FTO: variants seen among roughly 807,000 people sequenced by gnomAD.
The protein encoded by FTO is alpha-ketoglutarate-dependent dioxygenase FTO.
A neutral mutation model predicts 63.9 loss-of-function variants in FTO; 47 were observed. The ratio of observed to expected loss-of-function variants is 0.74; its 90% CI spans 0.58 to 0.94. The LOEUF (loss-of-function observed/expected upper bound fraction) is 0.94. FTO is among the 40% of genes least tolerant of loss of function. FTO has a pLI of 0.00. For synonymous variants in FTO, 207 were observed against 224.4 expected, an observed-to-expected ratio of 0.92 and a Z score of 0.69; for missense variants, 562 against 618.1, an observed-to-expected ratio of 0.91 and a Z score of 0.96.
At chr16:54,083,026 A>G (rs1404442508) in intron 8 of FTO, among the ~76,000 whole-genome samples, 2 of 152,206 alleles carry the variant, frequency 1.3e-5, no homozygotes, top group Non-Finnish European at 2.9e-5. Context: ...TGTACCATAG[A>G]TTAGATTTTT....
intron 8 of FTO, among the ~76,000 whole-genome samples, chr16:54,013,829 G>T (rs1766746540): frequency 6.6e-6 from 1 of 152,106 alleles, no homozygotes; most frequent in African/African-American, 2.4e-5. Flanking sequence ...ATTTTTATAT[G>T]CACTGGGAAG....
intron 8 of FTO, among the ~76,000 whole-genome samples, chr16:53,952,923 T>G (rs2082832445): frequency 6.6e-6 from 1 of 152,238 alleles, no homozygotes; most frequent in Admixed American, 6.5e-5. Flanking sequence ...CCTACTTTTT[T>G]TGAGCGGTAT....
At chr16:53,839,260 A>G (rs780063630) in intron 3 of FTO, among the ~76,000 whole-genome samples, 2 of 152,172 alleles carry the variant, frequency 1.3e-5, no homozygotes, top group African/African-American at 2.4e-5. Context: ...CACCAAACAC[A>G]CTGAGGTACT....
intron 1 of FTO, among the ~76,000 whole-genome samples, chr16:53,745,105 A>G (rs1477454173): frequency 6.6e-6 from 1 of 152,244 alleles, no homozygotes; most frequent in African/African-American, 2.4e-5. Flanking sequence ...AAATATTGCC[A>G]AACAATCTGG....
chr16:53,753,231 C>T (rs1354058316), intron 1 of FTO, among the ~76,000 whole-genome samples: 1 of 133,768 alleles, frequency 7.5e-6, no homozygotes, highest in Non-Finnish European at 1.6e-5. Context: ...CCAGCATGGG[C>T]AACAGAGAGA....
intron 8 of FTO, among the ~76,000 whole-genome samples, chr16:53,941,056 T>A (rs1406947147): frequency 1.3e-5 from 2 of 152,244 alleles, no homozygotes; most frequent in Non-Finnish European, 2.9e-5. Flanking sequence ...ACACTTTGTA[T>A]AAGTTACTTA....
chr16:53,906,602 G>T (rs1050164371), intron 7 of FTO, among the ~76,000 whole-genome samples: 1 of 152,186 alleles, frequency 6.6e-6, no homozygotes, highest in African/African-American at 2.4e-5. Context: ...AGGTGGATCC[G>T]ATTTCAAAGC....
intron 8 of FTO, among the ~76,000 whole-genome samples, chr16:54,102,098 CAT>C (rs2086653561): frequency 2.6e-5 from 4 of 152,142 alleles, no homozygotes. Context: ...CATTTTCTCC[CAT>C]TCTGCAGGTC....
chr16:54,097,732 G>A (rs1599362916), intron 8 of FTO, among the ~76,000 whole-genome samples: 1 of 152,162 alleles, frequency 6.6e-6, no homozygotes, highest in Admixed American at 6.5e-5. Flanking sequence ...TCATGTGCGT[G>A]TGCACACACA....
intron 8 of FTO, among the ~76,000 whole-genome samples, chr16:53,969,675 T>A (rs2083274364): frequency 6.6e-6 from 1 of 152,156 alleles, no homozygotes; most frequent in Non-Finnish European, 1.5e-5. Flanking sequence ...TACTGCACAC[T>A]CTCTGTTTCT....
intron 1 of FTO, among the ~76,000 whole-genome samples, chr16:53,772,104 T>C (rs931017908): frequency 6.6e-5 from 10 of 152,108 alleles, no homozygotes; most frequent in Admixed American, 6.6e-4. Context: ...AATTGTGTGG[T>C]ATGTTAACGA....
At chr16:53,998,342 G>T (rs2083990473) in intron 8 of FTO, 1 of 152,220 alleles carries the variant, frequency 6.6e-6, no homozygotes, top group African/African-American at 2.4e-5. Context: ...GCTATTAAAG[G>T]ACTTCTGCTA....
Position 53,859,512 on chromosome 16 carries a change from T to G in FTO, c.896-14274T>G, listed in dbSNP as rs1043609585. On this transcript the variant is annotated intron_variant, in intron 4 of 8. Transcript: ENST00000471389. ...TTCATTATATGATTTATATATCATA[T>G]AAATATATATCACTGTATATTAAAT... is the stretch of plus-strand genomic sequence containing the variant. 3.1e-3 allele frequency among the ~76,000 whole-genome samples: 462 copies of G among 148,866 alleles called. 8 individuals carry two copies. The highest frequency in any genetic ancestry group is 1.2e-3 in the Non-Finnish European group (80 of 67,402).
In FTO at chr16:53,825,927, A is replaced by G. The variant is rs2078993270; in HGVS notation, c.187A>G (p.Lys63Glu). Reference protein sequence around the residue: ...EASSVSEELHKEVQEAFLTLH... With the variant: ...EASSVSEELHEEVQEAFLTLH... ...CAGCAGTGTATCTGAGGAGCTCCATAAAGAGGTTCAAGAAGCCTTTCTCAC... is the reference window on the plus strand; with the variant it reads ...CAGCAGTGTATCTGAGGAGCTCCATGAAGAGGTTCAAGAAGCCTTTCTCAC... The change falls in exon 3 of 9, where the codon AAA (lysine) becomes GAA (glutamate). Residue 63 changes from lysine to glutamate, a missense_variant. By Grantham distance (56) the Lys-to-Glu change is moderately conservative. Transcript: ENST00000471389. The G allele has an allele frequency of 1.2e-6, 2 of 1,614,034 alleles. No homozygotes were observed. The highest frequency in any genetic ancestry group is 1.1e-5 in the South Asian group (1 of 91,074).
chr16:53,817,332 C>T (rs1469762631), intron 2 of FTO, among the ~76,000 whole-genome samples: 1 of 152,150 alleles, frequency 6.6e-6, no homozygotes, highest in Non-Finnish European at 1.5e-5. Flanking sequence ...TTGCATCATG[C>T]AGGCAGAGTC....
At chr16:53,842,059 C>T (rs1050335124) in intron 3 of FTO, among the ~76,000 whole-genome samples, 1 of 152,082 alleles carries the variant, frequency 6.6e-6, no homozygotes, top group Non-Finnish European at 1.5e-5. Context: ...CATTTTCTTT[C>T]CCTGCCATCT....
chr16:54,035,928 TTG>T (rs2084932400), intron 8 of FTO, among the ~76,000 whole-genome samples: 1 of 152,196 alleles, frequency 6.6e-6, no homozygotes, highest in South Asian at 2.1e-4. Flanking sequence ...GGTCGGGATT[TTG>T]TTTTTGTTGG....
At chr16:53,782,116 C>A (rs1032447138) in intron 1 of FTO, among the ~76,000 whole-genome samples, 10 of 152,150 alleles carry the variant, frequency 6.6e-5, no homozygotes, top group Non-Finnish European at 1.0e-4. Flanking sequence ...TCATGGGGTT[C>A]ATGAAGCCTC....
chr16:53,804,972 G>A (rs2151723530), intron 1 of FTO, among the ~76,000 whole-genome samples: 1 of 152,154 alleles, frequency 6.6e-6, no homozygotes, highest in African/African-American at 2.4e-5. Context: ...CAAGCACCCT[G>A]CTTAAGGACT....
Sources: allele counts gnomAD v4.1 joint callset (sites outside exome capture counted in the v4.1 genomes callset), GRCh38; gene constraint gnomAD v4.1.1; transcripts MANE v1.5; gene names NCBI Gene and HGNC (gene_info 2026-07-23, HGNC 2026-07-21).